CDC20B: variants seen among roughly 807,000 people sequenced by gnomAD.
CDC20B encodes cell division cycle protein 20 homolog B.
Under a neutral mutation model 64.1 loss-of-function variants are expected in CDC20B, and 58 were observed. The ratio of observed to expected loss-of-function variants is 0.90; its 90% CI spans 0.73 to 1.13. The LOEUF (loss-of-function observed/expected upper bound fraction) is 1.13, where lower values mean the gene tolerates loss of function less well. Among genes scored for constraint, CDC20B ranks in the 50% most tolerant of loss-of-function variants. The pLI is 0.00. For missense variants in CDC20B, 597 were observed against 633.0 expected, an observed-to-expected ratio of 0.94 and a Z score of 0.61; for synonymous variants, 243 against 230.6, an observed-to-expected ratio of 1.05 and a Z score of -0.49.
chr5:55,149,183 C>T (rs1218826364), intron 2 of CDC20B, among the ~76,000 whole-genome samples: 1 of 152,118 alleles, frequency 6.6e-6, no homozygotes, highest in Non-Finnish European at 1.5e-5. Context: ...TTCACACCCA[C>T]GAGGATGGCT....
intron 2 of CDC20B, among the ~76,000 whole-genome samples, chr5:55,156,154 A>G (rs1360667644): frequency 2.0e-5 from 3 of 152,178 alleles, no homozygotes; most frequent in African/African-American, 7.2e-5. Context: ...AAGAACTCCC[A>G]TTTATAAAAC....
At position 55,143,518 on chromosome 5, in the gene CDC20B, C is replaced by T. The variant is rs936904047; in HGVS notation, c.481G>A (p.Gly161Arg). 2.5e-6 allele frequency: 4 copies of T among 1,596,338 alleles called. No homozygotes were observed. In the African/African-American group the frequency reaches 5.4e-5, roughly 22 times the overall value. ...RDWKESVASK[G>R]QKCLKQLFVT... ...GTTTTTTTCTCTTTACCTACCTGCC[C>T]TTTTGAGGCAACACTTTCTTTCCAG... Residue 161 changes from glycine (G) to arginine (R), a missense_variant, in exon 4 of 12, where the codon GGG (glycine) becomes AGG (arginine). Around this residue, in one of 3 missense-constraint regions of CDC20B, gnomAD observed 241 missense variants for 219.2 expected, o/e 1.10. Transcript: ENST00000381375.
intron 5 of CDC20B, among the ~76,000 whole-genome samples, chr5:55,135,172 C>G (rs1469127058): frequency 6.6e-6 from 1 of 151,800 alleles, no homozygotes; most frequent in Admixed American, 6.6e-5. Context: ...GCACCTTCTG[C>G]CTAACTTTGC....
intron 11 of CDC20B, among the ~76,000 whole-genome samples, chr5:55,117,980 G>A (rs182837144): frequency 9.2e-5 from 14 of 152,144 alleles, no homozygotes; most frequent in East Asian, 1.9e-4. Flanking sequence ...TTAGCCAGGC[G>A]TGGTAGTTGG....
At chr5:55,132,377 G>C (rs367713693) in intron 6 of CDC20B, among the ~76,000 whole-genome samples, 10 of 152,168 alleles carry the variant, frequency 6.6e-5, no homozygotes, top group East Asian at 3.9e-4. Flanking sequence ...CTGACCTACG[G>C]GCTAGTCCAT....
intron 2 of CDC20B, among the ~76,000 whole-genome samples, chr5:55,168,402 T>A (rs1418164758): frequency 6.6e-6 from 1 of 151,864 alleles, no homozygotes; most frequent in African/African-American, 2.4e-5. Context: ...CTTTTTACCA[T>A]CCCTTTTCCC....
chr5:55,172,742 G>C, intron 1 of CDC20B, 92 bp from the exon 2 acceptor site: 1 of 762,388 alleles, frequency 1.3e-6, no homozygotes, highest in Non-Finnish European at 2.0e-6. Flanking sequence ...GTGCTTGTCA[G>C]ATTACACTTT....
rs1208562132 is a variant in CDC20B, at chr5:55,117,261, C to CA, written c.1459+2539dup. On this transcript the variant is annotated intron_variant, in intron 11 of 11. Coordinates refer to ENST00000381375, the MANE Select transcript of CDC20B (RefSeq NM_001170402.1). ...GTCTCTTTAACTGAAATTTTCCCCC[C>CA]AAAAAAAATCATGACTATGGTTAAC... Among the ~76,000 whole-genome samples, 213 of 151,658 alleles carry CA rather than the reference C, an allele frequency of 1.4e-3. 1 individual carries two copies. Among genetic ancestry groups the CA allele is most frequent in the African/African-American group, 4.9e-3 (203 of 41,350 alleles).
intron 2 of CDC20B, among the ~76,000 whole-genome samples, chr5:55,147,117 A>G (rs1468797545): frequency 6.9e-6 from 1 of 145,236 alleles, no homozygotes; most frequent in Non-Finnish European, 1.5e-5. Context: ...TTTATATATT[A>G]TATAAACATA....
At chr5:55,160,914 T>C in intron 2 of CDC20B, 1 of 1,437,926 alleles carries the variant, frequency 7.0e-7, no homozygotes, top group African/African-American at 1.4e-5. Flanking sequence ...CCCCAAATTG[T>C]TTAGGATTTT....
chr5:55,120,402 T>C, intron 10 of CDC20B, 23 bp downstream of exon 10: 1 of 1,612,608 alleles, frequency 6.2e-7, no homozygotes, highest in East Asian at 2.2e-5. Flanking sequence ...AAAATGAAGA[T>C]GAAGCCCAGA....
chr5:55,154,970 T>C (rs1443657147), intron 2 of CDC20B, among the ~76,000 whole-genome samples: 2 of 152,214 alleles, frequency 1.3e-5, no homozygotes, highest in Non-Finnish European at 2.9e-5. Flanking sequence ...CTGCTGCAGA[T>C]TGTGCTATTT....
chr5:55,130,474 T>C (rs1743002566), intron 6 of CDC20B, among the ~76,000 whole-genome samples: 1 of 152,190 alleles, frequency 6.6e-6, no homozygotes, highest in Non-Finnish European at 1.5e-5. Flanking sequence ...CCAGATACCA[T>C]GGAGGCCACA....
chr5:55,137,182 A>G (rs1002078620), intron 5 of CDC20B: 3 of 161,446 alleles, frequency 1.9e-5, no homozygotes, highest in Non-Finnish European at 4.1e-5. Context: ...GTCTCAAAAA[A>G]AAAAAAAAAA....
intron 9 of CDC20B, among the ~76,000 whole-genome samples, chr5:55,124,552 TG>T (rs1240086618): frequency 6.6e-6 from 1 of 152,148 alleles, no homozygotes; most frequent in African/African-American, 2.4e-5. Context: ...CAAAGTTACA[TG>T]AAAAAAATAG....
At chr5:55,153,240 TAA>T (rs1206577177) in intron 2 of CDC20B, among the ~76,000 whole-genome samples, 8,334 of 87,576 alleles carry the variant, frequency 0.095, 150 homozygotes, top group East Asian at 0.25. Flanking sequence ...CCTTGTCTCA[TAA>T]AAAAAAAAAA....
chr5:55,124,106 A>G (rs1276264501), intron 9 of CDC20B, among the ~76,000 whole-genome samples: 1 of 152,230 alleles, frequency 6.6e-6, no homozygotes, highest in East Asian at 1.9e-4. Flanking sequence ...TTTACTAGAA[A>G]TAAGAATTTA....
intron 7 of CDC20B, among the ~76,000 whole-genome samples, 161 bp downstream of exon 7, chr5:55,128,260 T>TAAAAAAAAAAAAAAAAAA (rs372856760): frequency 9.1e-6 from 1 of 109,568 alleles, no homozygotes. Flanking sequence ...AACCATTCAG[T>TAAAAAAAAAAAAAAAAAA]AAAAAAAAAA....
intron 11 of CDC20B, among the ~76,000 whole-genome samples, chr5:55,119,136 A>G (rs557913919): frequency 6.6e-6 from 1 of 152,340 alleles, no homozygotes; most frequent in Non-Finnish European, 1.5e-5. Flanking sequence ...TCAGAGTTCT[A>G]CAAGAGATTG....
Sources: gnomAD v4.1 joint callset for allele counts (sites outside exome capture counted in the v4.1 genomes callset) on GRCh38, gnomAD v4.1.1 for gene constraint, gnomAD v4.1.1 regional missense constraint, MANE v1.5 for transcripts, NCBI Gene and HGNC (gene_info 2026-07-23, HGNC 2026-07-21) for gene names.